Variants in C11orf24 observed in about 807,000 individuals in gnomAD.
C11orf24 encodes the protein uncharacterized protein C11orf24.
Under a neutral mutation model 7.3 loss-of-function variants are expected in C11orf24, and 5 were observed. The observed-to-expected ratio is 0.69, with a 90% CI of 0.36 to 1.45. The LOEUF (loss-of-function observed/expected upper bound fraction) is 1.45, where lower values mean the gene tolerates loss of function less well. Among genes scored for constraint, C11orf24 ranks in the 40% most tolerant of loss-of-function variants. The pLI, the probability that C11orf24 is intolerant of heterozygous loss-of-function variation, is 0.03. For synonymous variants in C11orf24, 233 were observed against 235.7 expected (o/e 0.99, Z 0.11); for missense variants, 566 against 590.5 (o/e 0.96, Z 0.43).
intron 2 of C11orf24, among the ~76,000 whole-genome samples, chr11:68,265,107 G>A (rs1456698094): frequency 6.6e-6 from 1 of 152,206 alleles, no homozygotes; most frequent in South Asian, 2.1e-4. Flanking sequence ...GCTGGGTGGG[G>A]GTGGGCAGGC....
chr11:68,270,313 C>T (rs997075686), intron 1 of C11orf24, among the ~76,000 whole-genome samples: 9 of 152,170 alleles, frequency 5.9e-5, no homozygotes, highest in African/African-American at 2.2e-4. Context: ...CACTCCATGA[C>T]AAAGGCACCC....
rs572940531 is a variant in C11orf24, at chr11:68,271,476, C to T, written c.-298+381G>A. Among the ~76,000 whole-genome samples, 5 of 152,224 alleles carry T rather than the reference C, an allele frequency of 3.3e-5. No individual in the cohort carries two copies. The South Asian group carries it at 1.0e-3, about 32-fold the overall frequency. On this transcript the variant is annotated intron_variant, in intron 1 of 3. Coordinates refer to ENST00000304271, the MANE Select transcript of C11orf24 (RefSeq NM_022338.4). ...GGGTCCAGTCCCGTCCTGGGCTTGCCCGGGAAAGACCCCAGGACAAATTCG... is the reference window on the plus strand; with the variant it reads ...GGGTCCAGTCCCGTCCTGGGCTTGCTCGGGAAAGACCCCAGGACAAATTCG...
chr11:68,262,590 A>C lies in C11orf24; in HGVS notation c.405T>G (p.Thr135=). Residue 135 remains threonine, a synonymous_variant, in exon 4 of 4, where the codon ACT becomes ACG. Coordinates refer to ENST00000304271, the MANE Select transcript of C11orf24 (RefSeq NM_022338.4). ...SMTVASSAPT[T]AASSTTVASI... is the part of the protein sequence containing the mutation. ...AGGCCACAGTTGTACTGGAGGCTGC[A>C]GTCGTGGGAGCACTGGAGGCCACAG... The C allele has an allele frequency of 6.2e-7, 1 of 1,613,686 alleles. No individual in the cohort carries two copies. The highest frequency in any genetic ancestry group is 8.5e-7 in the Non-Finnish European group (1 of 1,179,904).
rs1275806662 is a variant in C11orf24, at chr11:68,263,730, A to T, written c.38T>A (p.Leu13Ter). 5 of 1,613,592 alleles carry T rather than the reference A, an allele frequency of 3.1e-6. No homozygotes were observed. Among genetic ancestry groups the T allele is most frequent in the Non-Finnish European group, 4.2e-6 (5 of 1,179,976 alleles). The change falls in exon 3 of 4, where the codon TTG (leucine) becomes TAG (stop). Residue 13 changes from leucine (L) to a stop codon, truncating the protein, a stop_gained. Transcript: ENST00000304271. LOFTEE classifies it low-confidence loss of function (END_TRUNC). ...TGCCGCATGGCTTTCAGATAAGGACAAGGAGAAAATCCAAATGAGCACAAG... is the reference window on the plus strand; with the variant it reads ...TGCCGCATGGCTTTCAGATAAGGACTAGGAGAAAATCCAAATGAGCACAAG... ...TALVLIWIFS[L>*]SLSESHAASN... is the part of the protein sequence containing the mutation.
Position 68,261,479 on chromosome 11 carries a change from ACT to A in C11orf24, c.*164_*165del. The A allele has an allele frequency of 1.6e-6, 1 of 619,640 alleles. No homozygotes were observed. The highest frequency in any genetic ancestry group is 2.7e-6 in the Non-Finnish European group (1 of 364,096). The allele number at this position is 619,640 out of a possible 1,614,324, so 38.4% of individuals were successfully genotyped here. ...AAAAATAAATATGAAAAAAGCAGCA[ACT>A]CTTTAGTGATCATGGAATTAATCTG... On this transcript the variant is annotated 3_prime_UTR_variant, in exon 4 of 4. Transcript: ENST00000304271.
At chr11:68,264,448 AC>A in intron 2 of C11orf24, among the ~76,000 whole-genome samples, 1 of 142,294 alleles carries the variant, frequency 7.0e-6, no homozygotes, top group African/African-American at 2.6e-5. Context: ...CCATCCACTT[AC>A]CCACTTACCC....
At position 68,262,465 on chromosome 11, in the gene C11orf24, G is replaced by A. The variant is rs868651930; in HGVS notation, c.530C>T (p.Thr177Ile). 6.2e-7 allele frequency: 1 copy of A among 1,614,036 alleles called. No homozygotes were observed. The highest frequency in any genetic ancestry group is 1.3e-5 in the African/African-American group (1 of 74,928). The part of the protein sequence containing the change: ...PAPTSTSTGR[T>I]PSTTATGHPS... ...ATGCCCAGTGGCGGTAGTGGACGGGGTCCGCCCTGTGGAAGTGGACGTGGG... is the reference window on the plus strand; with the variant it reads ...ATGCCCAGTGGCGGTAGTGGACGGGATCCGCCCTGTGGAAGTGGACGTGGG... The change falls in exon 4 of 4, where the codon ACC (threonine) becomes ATC (isoleucine). Residue 177 changes from threonine to isoleucine, a missense_variant. By Grantham distance (89) the Thr-to-Ile change is moderately conservative. Coordinates refer to ENST00000304271, the MANE Select transcript of C11orf24 (RefSeq NM_022338.4).
rs187071235 is a variant in C11orf24, at chr11:68,270,339, G to C, written c.-298+1518C>G. 2.3e-3 allele frequency among the ~76,000 whole-genome samples: 357 copies of C among 152,154 alleles called. 1 individual carries two copies. Among genetic ancestry groups the C allele is most frequent in the Admixed American group, 4.9e-3 (75 of 15,286 alleles). On this transcript the variant is annotated intron_variant, in intron 1 of 3. Coordinates refer to ENST00000304271, the MANE Select transcript of C11orf24 (RefSeq NM_022338.4). ...AAAGGCACCCCCAACTATGCCCCTG[G>C]GTGTCAACCTCCCTATCCTTTTCTG...
chr11:68,262,237 G>A lies in C11orf24; in HGVS notation c.758C>T (p.Ala253Val), dbSNP rs766188664. ...TGACACCTGGCTAATGGGACCTTGT[G>A]CTTGGGGACGCATAGGGGGTACAGG... The part of the protein sequence containing the change: ...ASPVPPMRPQ[A>V]QGPISQVSVD... Residue 253 changes from alanine to valine, a missense_variant, in exon 4 of 4, where the codon GCA becomes GTA. Transcript: ENST00000304271. The A allele has an allele frequency of 1.1e-5, 18 of 1,612,990 alleles. No homozygotes were observed. The South Asian group carries it at 1.8e-4, about 16-fold the overall frequency.
At position 68,262,123 on chromosome 11, in the gene C11orf24, A is replaced by G; in HGVS notation, c.872T>C (p.Val291Ala). The G allele has an allele frequency of 6.2e-7, 1 of 1,610,188 alleles. No homozygotes were observed. The highest frequency in any genetic ancestry group is 8.5e-7 in the Non-Finnish European group (1 of 1,177,648). Reference sequence around the variant, plus strand: ...CCTGGCTTGTGCCTTGGTGGTGGTCACCACTGTGGGGGTGGGGGCGGGCTC... The same window carrying G: ...CCTGGCTTGTGCCTTGGTGGTGGTCGCCACTGTGGGGGTGGGGGCGGGCTC... Reference protein sequence around the residue: ...TPEPAPTPTVVTTTKAQAREP... With the variant: ...TPEPAPTPTVATTTKAQAREP... Residue 291 changes from valine to alanine, a missense_variant, in exon 4 of 4, where the codon GTG becomes GCG. Transcript: ENST00000304271.
Position 68,271,843 on chromosome 11 carries a change from T to C in C11orf24, c.-298+14A>G, listed in dbSNP as rs1332122067. 6.6e-6 allele frequency: 1 copy of C among 152,222 alleles called. No individual in the cohort carries two copies. The highest frequency in any genetic ancestry group is 1.5e-5 in the Non-Finnish European group (1 of 68,126). The allele number at this position is 152,222 out of a possible 1,614,324, so 9.4% of individuals were successfully genotyped here. A position where few individuals can be genotyped will look rare whatever the true frequency, so the allele number is the denominator to read the frequency against. On this transcript the variant is annotated intron_variant, in intron 1 of 3. Coordinates refer to ENST00000304271, the MANE Select transcript of C11orf24 (RefSeq NM_022338.4). ...CTGACAGCAGCTACCCGGACGGCAG[T>C]GCGAGCCCCTTACCCGGGCGCAGCA...
intron 2 of C11orf24, among the ~76,000 whole-genome samples, chr11:68,264,922 G>A (rs536591406): frequency 6.3e-4 from 96 of 151,894 alleles, no homozygotes; most frequent in Non-Finnish European, 2.4e-4. Flanking sequence ...CAGTATGCGG[G>A]CAGGCCTTGA....
chr11:68,262,779 G>A lies in C11orf24; in HGVS notation c.216C>T (p.Ala72=). 1 of 1,614,126 alleles carries A rather than the reference G, an allele frequency of 6.2e-7. No homozygotes were observed. The highest frequency in any genetic ancestry group is 1.3e-5 in the African/African-American group (1 of 75,038). ...TTGTGACTTCCATAGAGTTGAGGTG[G>A]GCTGCCGAAGTCCCTTTGGTCAATG... ...PVTLTKGTSA[A]HLNSMEVTTE... The change falls in exon 4 of 4, where the codon GCC becomes GCT. Residue 72 remains alanine, a synonymous_variant. Coordinates refer to ENST00000304271, the MANE Select transcript of C11orf24 (RefSeq NM_022338.4).
At position 68,262,545 on chromosome 11, in the gene C11orf24, T is replaced by C; in HGVS notation, c.450A>G (p.Ala150=). The C allele has an allele frequency of 1.2e-6, 2 of 1,610,748 alleles. No individual in the cohort carries two copies. Among genetic ancestry groups the C allele is most frequent in the Non-Finnish European group, 1.7e-6 (2 of 1,177,756 alleles). ...TGGAGGCCGCAGTCATACTGGAGGC[T>C]GCAGTCGTGGGAGCAATGGAGGCCA... ...TTVASIAPTT[A]ASSMTAASST... is the part of the protein sequence containing the mutation. The change falls in exon 4 of 4, where the codon GCA becomes GCG. Residue 150 remains alanine, a synonymous_variant. Coordinates refer to ENST00000304271, the MANE Select transcript of C11orf24 (RefSeq NM_022338.4).
chr11:68,263,940 G>C, intron 2 of C11orf24, 74 bp from the exon 3 acceptor site: 1 of 610,650 alleles, frequency 1.6e-6, no homozygotes, highest in Non-Finnish European at 2.9e-6. Context: ...AGCACCTGCT[G>C]TGGAGGGCTC....
Position 68,262,766 on chromosome 11 carries a change from T to C in C11orf24, c.229A>G (p.Met77Val). The C allele has an allele frequency of 4.3e-6, 7 of 1,614,120 alleles. No individual in the cohort carries two copies. The highest frequency in any genetic ancestry group is 1.6e-4 in the Middle Eastern group (1 of 6,062). ...KGTSAAHLNSMEVTTEDTSRT... is the reference protein window; with the variant it reads ...KGTSAAHLNSVEVTTEDTSRT... ...CTTGTGTCCTCTGTTGTGACTTCCATAGAGTTGAGGTGGGCTGCCGAAGTC... is the reference window on the plus strand; with the variant it reads ...CTTGTGTCCTCTGTTGTGACTTCCACAGAGTTGAGGTGGGCTGCCGAAGTC... The change falls in exon 4 of 4, where the codon ATG becomes GTG. Residue 77 changes from methionine (M) to valine (V), a missense_variant. By Grantham distance (21) the Met-to-Val change is conservative (BLOSUM62 1). Coordinates refer to ENST00000304271, the MANE Select transcript of C11orf24 (RefSeq NM_022338.4).
At chr11:68,268,692 C>CA (rs1188985277) in intron 1 of C11orf24, among the ~76,000 whole-genome samples, 4 of 151,858 alleles carry the variant, frequency 2.6e-5, no homozygotes, top group East Asian at 2.0e-4. Context: ...AACTGCGTCT[C>CA]AAAAAAACAA....
At chr11:68,264,621 T>TCCAC (rs1565291064) in intron 2 of C11orf24, among the ~76,000 whole-genome samples, 1 of 112,582 alleles carries the variant, frequency 8.9e-6, no homozygotes, top group Non-Finnish European at 1.9e-5. Flanking sequence ...CATCCATCCA[T>TCCAC]CCACCCATCC....
chr11:68,269,376 G>A (rs148810921), intron 1 of C11orf24, among the ~76,000 whole-genome samples: 104 of 152,250 alleles, frequency 6.8e-4, no homozygotes, highest in African/African-American at 2.1e-3. Context: ...GATGTCAACC[G>A]GCACAAATGC....
Sources: gnomAD v4.1 joint callset for allele counts (sites outside exome capture counted in the v4.1 genomes callset) on GRCh38, gnomAD v4.1.1 for gene constraint, MANE v1.5 for transcripts, NCBI Gene and HGNC (gene_info 2026-07-23, HGNC 2026-07-21) for gene names.